DLGAP2: variants seen among roughly 807,000 people sequenced by gnomAD.
DLGAP2 encodes the protein DLG associated protein 2.
A neutral mutation model predicts 100.3 loss-of-function variants in DLGAP2; 26 were observed. The observed-to-expected ratio is 0.26, with a 90% confidence interval of 0.19 to 0.36. The LOEUF is 0.36. Among genes scored for constraint, DLGAP2 ranks in the 10% least tolerant of loss-of-function variants. DLGAP2 has a pLI of 1.00. For synonymous variants in DLGAP2, 886 were observed against 630.1 expected (o/e 1.41, Z -6.08); for missense variants, 1,858 against 1,453.2 (o/e 1.28, Z -4.53).
chr8:1,461,128 C>T (rs1388401328), intron 3 of DLGAP2, among the ~76,000 whole-genome samples: 6 of 105,944 alleles, frequency 5.7e-5, no homozygotes, highest in East Asian at 2.4e-4. Context: ...TCGCTGATTT[C>T]GTGGCCAGGA....
intron 1 of DLGAP2, among the ~76,000 whole-genome samples, chr8:872,005 A>C (rs1797607627): frequency 6.6e-6 from 1 of 152,150 alleles, no homozygotes; most frequent in African/African-American, 2.4e-5. Context: ...CCACACATAT[A>C]ACAGATTTTG....
At chr8:772,289 G>A (rs189052026) in intron 1 of DLGAP2, among the ~76,000 whole-genome samples, 2 of 151,968 alleles carry the variant, frequency 1.3e-5, no homozygotes, top group African/African-American at 2.4e-5. Context: ...TTAAACCATC[G>A]TGTTTAAAAT....
chr8:1,626,529 A>G (rs112923719), intron 6 of DLGAP2, among the ~76,000 whole-genome samples: 3,774 of 58,390 alleles, frequency 0.065, 6 homozygotes, highest in Middle Eastern at 0.15. Flanking sequence ...ACCCTGCAGC[A>G]GGTGCTCAGC....
chr8:1,319,495 C>G (rs955796940), intron 3 of DLGAP2, among the ~76,000 whole-genome samples: 6 of 152,162 alleles, frequency 3.9e-5, no homozygotes, highest in Admixed American at 2.6e-4. Context: ...GTGGAGGCAG[C>G]TGACGTGGAG....
At chr8:915,499 A>T (rs1798572099) in intron 2 of DLGAP2, among the ~76,000 whole-genome samples, 1 of 151,830 alleles carries the variant, frequency 6.6e-6, no homozygotes, top group African/African-American at 2.4e-5. Context: ...GTGAGCCGAG[A>T]TCGCACCACT....
chr8:1,022,867 A>G (rs1233706436), intron 2 of DLGAP2, among the ~76,000 whole-genome samples: 1 of 152,198 alleles, frequency 6.6e-6, no homozygotes, highest in Non-Finnish European at 1.5e-5. Flanking sequence ...GTTGGTATTC[A>G]GGGTATTCAG....
chr8:1,220,421 T>A (rs1201399695), intron 2 of DLGAP2, among the ~76,000 whole-genome samples: 1 of 152,202 alleles, frequency 6.6e-6, no homozygotes, highest in Non-Finnish European at 1.5e-5. Flanking sequence ...TTTTGAGCAA[T>A]GTTCTTGGTG....
intron 3 of DLGAP2, among the ~76,000 whole-genome samples, chr8:1,276,459 G>T (rs1210181906): frequency 1.3e-5 from 2 of 152,088 alleles, no homozygotes; most frequent in East Asian, 3.9e-4. Flanking sequence ...GAAGGGTGAG[G>T]GGGGACGGGA....
At chr8:1,027,523 G>A (rs1490011498) in intron 2 of DLGAP2, among the ~76,000 whole-genome samples, 14 of 147,996 alleles carry the variant, frequency 9.5e-5, no homozygotes, top group African/African-American at 3.3e-4. Context: ...TACTCCCCAG[G>A]TAGGGTGCTC....
At chr8:1,240,006 TCGTGTCTAGTTCTCTCACATGGCGC>T (rs1193635564) in intron 2 of DLGAP2, among the ~76,000 whole-genome samples, 7 of 140,924 alleles carry the variant, frequency 5.0e-5, no homozygotes, top group African/African-American at 1.9e-4. Flanking sequence ...ACACAGAGCA[TCGTGTCTAGTTCTCTCACATGGCGC>T]CGTGTCTAGT....
chr8:917,822 G>A (rs774051238), intron 2 of DLGAP2, among the ~76,000 whole-genome samples: 26 of 151,830 alleles, frequency 1.7e-4, no homozygotes, highest in South Asian at 6.2e-4. Context: ...CTCGGGATCC[G>A]CCTGCCTCGG....
At chr8:902,385 G>A (rs1008056138) in intron 1 of DLGAP2, among the ~76,000 whole-genome samples, 24 of 150,668 alleles carry the variant, frequency 1.6e-4, no homozygotes, top group Admixed American at 5.9e-4. Flanking sequence ...AAGGGCAGCC[G>A]GAGGGTTCAT....
At chr8:1,242,459 T>A (rs1323479238) in intron 2 of DLGAP2, among the ~76,000 whole-genome samples, 1 of 152,212 alleles carries the variant, frequency 6.6e-6, no homozygotes, top group African/African-American at 2.4e-5. Context: ...CGGACCTTGT[T>A]CACTTGTTTC....
At chr8:1,334,610 A>T in intron 3 of DLGAP2, among the ~76,000 whole-genome samples, 1 of 151,972 alleles carries the variant, frequency 6.6e-6, no homozygotes, top group East Asian at 1.9e-4. Context: ...CAGTGGAGAC[A>T]TGCACCCACC....
intron 2 of DLGAP2, among the ~76,000 whole-genome samples, chr8:1,073,469 GA>G (rs1403952715): frequency 6.6e-6 from 1 of 152,098 alleles, no homozygotes; most frequent in African/African-American, 2.4e-5. Context: ...ATGTAACTCA[GA>G]AAAAATATAC....
chr8:1,644,269 G>T (rs576169653), intron 8 of DLGAP2, among the ~76,000 whole-genome samples: 1 of 152,152 alleles, frequency 6.6e-6, no homozygotes, highest in South Asian at 2.1e-4. Context: ...CCCTAAGCCC[G>T]CCCGACCAAG....
chr8:1,515,498 GCACA>G (rs138922244), intron 4 of DLGAP2, among the ~76,000 whole-genome samples: 17 of 151,304 alleles, frequency 1.1e-4, no homozygotes, highest in East Asian at 1.9e-4. Context: ...ACAGAAATGT[GCACA>G]CACACACACA....
chr8:1,215,141 G>C (rs980438475), intron 2 of DLGAP2, among the ~76,000 whole-genome samples: 1 of 152,202 alleles, frequency 6.6e-6, no homozygotes, highest in Non-Finnish European at 1.5e-5. Context: ...GGTACAAAAG[G>C]GGGAGAATTG....
At chr8:1,535,897 G>T (rs1801139670) in intron 4 of DLGAP2, among the ~76,000 whole-genome samples, 1 of 152,206 alleles carries the variant, frequency 6.6e-6, no homozygotes, top group Admixed American at 6.5e-5. Context: ...GTGGATGGAT[G>T]GTGTTGGTGG....
Sources: gnomAD v4.1 joint callset for allele counts (sites outside exome capture counted in the v4.1 genomes callset) on GRCh38, gnomAD v4.1.1 for gene constraint, MANE v1.5 for transcripts, NCBI Gene and HGNC (gene_info 2026-07-23, HGNC 2026-07-21) for gene names.